DLG2: variants seen among roughly 807,000 people sequenced by gnomAD.
DLG2 encodes the protein discs large MAGUK scaffold protein 2, also known as disks large homolog 2.
Under a neutral mutation model 132.5 loss-of-function variants are expected in DLG2, and 45 were observed. That is an observed-to-expected ratio of 0.34 (90% CI 0.27 to 0.44). The LOEUF is 0.44. Among genes scored for constraint, DLG2 ranks in the 20% least tolerant of loss-of-function variants. The pLI is 1.00. For synonymous variants in DLG2, 424 were observed against 419.6 expected, an observed-to-expected ratio of 1.01 and a Z score of -0.13; for missense variants, 1,045 against 1,196.9, an observed-to-expected ratio of 0.87 and a Z score of 1.87.
At chr11:83,764,590 T>G (rs951627925) in intron 18 of DLG2, among the ~76,000 whole-genome samples, 3 of 151,110 alleles carry the variant, frequency 2.0e-5, no homozygotes, top group African/African-American at 7.4e-5. Context: ...GTAAGAGCTT[T>G]ATAAACATTA....
At chr11:85,341,198 A>T (rs1157707414) in intron 3 of DLG2, among the ~76,000 whole-genome samples, 1 of 151,996 alleles carries the variant, frequency 6.6e-6, no homozygotes, top group Non-Finnish European at 1.5e-5. Flanking sequence ...AGCTCACTGC[A>T]AGCTCCACCT....
At position 83,498,344 on chromosome 11, in the gene DLG2, A is replaced by T. The variant is rs182930441; in HGVS notation, c.2194-14116T>A. Among the ~76,000 whole-genome samples, 337 of 152,222 alleles carry T rather than the reference A, an allele frequency of 2.2e-3. 5 individuals carry two copies. Among genetic ancestry groups the T allele is most frequent in the African/African-American group, 7.6e-3 (315 of 41,578 alleles). On this transcript the variant is annotated intron_variant, in intron 21 of 27. Transcript: ENST00000376104. ...CAATTATTAGAAAATCTTTAGAAGC[A>T]TCAGTTTTAATGAACATATAACAAT...
intron 15 of DLG2, among the ~76,000 whole-genome samples, chr11:83,921,542 A>T (rs2077917749): frequency 6.6e-6 from 1 of 152,204 alleles, no homozygotes; most frequent in Non-Finnish European, 1.5e-5. Flanking sequence ...ACCTAAGGGC[A>T]CCCAATACAC....
chr11:83,886,782 G>A (rs1342973514), intron 15 of DLG2, among the ~76,000 whole-genome samples: 2 of 152,062 alleles, frequency 1.3e-5, no homozygotes, highest in Non-Finnish European at 2.9e-5. Flanking sequence ...CTAAAACTCA[G>A]GATTAAGAAA....
intron 6 of DLG2, among the ~76,000 whole-genome samples, chr11:84,839,243 A>G (rs1375542772): frequency 6.6e-6 from 1 of 152,148 alleles, no homozygotes; most frequent in Non-Finnish European, 1.5e-5. Context: ...CCCATTCACA[A>G]TTGCTGCAAA....
In DLG2 at chr11:84,136,704, A is replaced by G. The variant is rs148218654; in HGVS notation, c.624+26757T>C. Among the ~76,000 whole-genome samples, 481 of 152,280 alleles carry G rather than the reference A, an allele frequency of 3.2e-3. 2 individuals are homozygous for G. The highest frequency in any genetic ancestry group is 0.011 in the African/African-American group (447 of 41,570). ...GTCAGAAACTTTGCAGTTGGCTAAAAGTTAATTGTGCTTATGGTCAAGGCA... is the reference window on the plus strand; with the variant it reads ...GTCAGAAACTTTGCAGTTGGCTAAAGGTTAATTGTGCTTATGGTCAAGGCA... On this transcript the variant is annotated intron_variant, in intron 9 of 27. Transcript: ENST00000376104.
chr11:84,042,842 T>C (rs912187092), intron 11 of DLG2, among the ~76,000 whole-genome samples: 1 of 151,814 alleles, frequency 6.6e-6, no homozygotes, highest in Middle Eastern at 3.4e-3. Flanking sequence ...TGAGAACACA[T>C]GGACACATGG....
At chr11:84,293,057 C>G (rs1025679451) in intron 7 of DLG2, among the ~76,000 whole-genome samples, 2 of 152,026 alleles carry the variant, frequency 1.3e-5, no homozygotes, top group African/African-American at 2.4e-5. Context: ...TTCTCTGTCA[C>G]ACTAAGGAAT....
intron 3 of DLG2, among the ~76,000 whole-genome samples, chr11:85,395,977 C>T (rs989387490): frequency 6.6e-6 from 1 of 152,308 alleles, no homozygotes; most frequent in South Asian, 2.1e-4. Context: ...GAGTCCCTGA[C>T]CCCTGTGTAG....
At chr11:84,744,004 A>G (rs373238969) in intron 6 of DLG2, among the ~76,000 whole-genome samples, 7 of 152,150 alleles carry the variant, frequency 4.6e-5, no homozygotes, top group Admixed American at 3.9e-4. Flanking sequence ...AATTACAGGC[A>G]TGAGCCACCG....
At chr11:85,307,998 T>TAC (rs2152803974) in intron 3 of DLG2, among the ~76,000 whole-genome samples, 1 of 151,770 alleles carries the variant, frequency 6.6e-6, no homozygotes, top group South Asian at 2.1e-4. Context: ...CTACTAAAAA[T>TAC]ACAAAAATTA....
At chr11:85,245,820 T>C (rs976368693) in intron 4 of DLG2, among the ~76,000 whole-genome samples, 4 of 151,976 alleles carry the variant, frequency 2.6e-5, no homozygotes, top group Non-Finnish European at 4.4e-5. Context: ...CCAGCCTCAA[T>C]GTCCTCCCTG....
chr11:84,502,584 G>C (rs1474685590), intron 7 of DLG2, among the ~76,000 whole-genome samples: 1 of 151,282 alleles, frequency 6.6e-6, no homozygotes, highest in Non-Finnish European at 1.5e-5. Flanking sequence ...TTTTAGTAGA[G>C]ATGGTGTTTC....
chr11:85,557,596 C>G (rs914041264), intron 3 of DLG2, among the ~76,000 whole-genome samples: 1 of 151,766 alleles, frequency 6.6e-6, no homozygotes, highest in Non-Finnish European at 1.5e-5. Context: ...GTTAATGGTA[C>G]AAGAACAGAC....
At chr11:83,675,645 T>C (rs958854450) in intron 18 of DLG2, among the ~76,000 whole-genome samples, 3 of 152,210 alleles carry the variant, frequency 2.0e-5, no homozygotes, top group Admixed American at 6.5e-5. Flanking sequence ...AATTCAACGG[T>C]CATTTTTCAA....
intron 3 of DLG2, among the ~76,000 whole-genome samples, chr11:85,432,394 C>G (rs1022200423): frequency 6.6e-6 from 1 of 152,064 alleles, no homozygotes; most frequent in Non-Finnish European, 1.5e-5. Context: ...AAAGCATGTT[C>G]TAACACAATG....
chr11:84,305,279 A>G (rs571096778), intron 7 of DLG2, among the ~76,000 whole-genome samples: 1 of 152,356 alleles, frequency 6.6e-6, no homozygotes, highest in East Asian at 1.9e-4. Flanking sequence ...GCATATATTT[A>G]TAAAGAATAA....
chr11:85,364,190 G>A (rs1015763380), intron 3 of DLG2, among the ~76,000 whole-genome samples: 2 of 152,104 alleles, frequency 1.3e-5, no homozygotes, highest in South Asian at 2.1e-4. Flanking sequence ...ATTTGTATCA[G>A]TATCTAGAAT....
chr11:84,283,014 A>G (rs902397997), intron 7 of DLG2, among the ~76,000 whole-genome samples: 1 of 152,202 alleles, frequency 6.6e-6, no homozygotes, highest in African/African-American at 2.4e-5. Flanking sequence ...TGAAGTATGT[A>G]CTATGTCATA....
Sources: allele counts gnomAD v4.1 joint callset (sites outside exome capture counted in the v4.1 genomes callset), GRCh38; gene constraint gnomAD v4.1.1; transcripts MANE v1.5; gene names NCBI Gene and HGNC (gene_info 2026-07-23, HGNC 2026-07-21).